EFHB: variants seen among roughly 807,000 people sequenced by gnomAD.
EFHB encodes the protein EF-hand domain family member B.
EFHB carries 91 observed loss-of-function variants against 87.2 expected under a neutral mutation model. The observed-to-expected ratio is 1.04, with a 90% CI of 0.88 to 1.24. The LOEUF (loss-of-function observed/expected upper bound fraction) is 1.24. Among genes scored for constraint, EFHB ranks in the 50% most tolerant of loss-of-function variants. The probability of loss-of-function intolerance (pLI) is 0.00; values close to 1 mark genes in which losing one functional copy is unlikely to be tolerated. For missense variants in EFHB, 1,084 were observed against 998.8 expected (o/e 1.09, Z -1.15); for synonymous variants, 325 against 333.6 (o/e 0.97, Z 0.28).
chr3:19,897,394 T>C (rs997308265), intron 8 of EFHB, among the ~76,000 whole-genome samples: 5 of 152,082 alleles, frequency 3.3e-5, no homozygotes, highest in African/African-American at 1.2e-4. Context: ...CCTTCACGGC[T>C]CCATTAACTA....
chr3:19,894,404 G>C (rs1694404172), intron 9 of EFHB: 1 of 152,118 alleles, frequency 6.6e-6, no homozygotes, highest in Admixed American at 6.5e-5. Context: ...TCCCTAAATG[G>C]AATGTCTACA....
At chr3:19,936,394 C>G (rs558881330), upstream of EFHB, 3 of 500,612 alleles carry the variant, frequency 6.0e-6, no homozygotes, top group South Asian at 9.2e-5. Flanking sequence ...TGAGACCTAT[C>G]CCTACAAAAA....
At chr3:19,915,464 A>G in intron 4 of EFHB, 51 bp from the exon 5 acceptor site, 1 of 1,225,724 alleles carries the variant, frequency 8.2e-7, no homozygotes, top group Non-Finnish European at 1.2e-6. Context: ...TAACCTATTT[A>G]TAATACGTTT....
chr3:19,879,742 C>A lies in EFHB; in HGVS notation c.2391G>T (p.Trp797Cys). 6.2e-7 allele frequency: 1 copy of A among 1,610,134 alleles called. No homozygotes were observed. Among genetic ancestry groups the A allele is most frequent in the Non-Finnish European group, 8.5e-7 (1 of 1,178,994 alleles). Residue 797 changes from tryptophan to cysteine, a missense_variant, in exon 13 of 13, where the codon TGG (tryptophan) becomes TGT (cysteine). Trp to Cys is a radical substitution (Grantham distance 215). Transcript: ENST00000295824. Reference sequence around the variant, plus strand: ...TGTGATGCTTTTTTGATGCAAGATTCCATACATTTTCAAATTCTTCATCAG... The same window carrying A: ...TGTGATGCTTTTTTGATGCAAGATTACATACATTTTCAAATTCTTCATCAG... ...KLSDEEFENV[W>C]NLASKKHHRG... is the part of the protein sequence containing the mutation.
In EFHB at chr3:19,933,628, C is replaced by A. The variant is rs1248509462; in HGVS notation, c.391G>T (p.Gly131Cys). Reference protein sequence around the residue: ...THERIIQPPLGRVCGSSQAAG... With the variant: ...THERIIQPPLCRVCGSSQAAG... ...GCCTGTGAACTTCCACACACCCTGC[C>A]CAAAGGAGGCTGTATTATCCGTTCA... Residue 131 changes from glycine to cysteine, a missense_variant, in exon 1 of 13, where the codon GGC (glycine) becomes TGC (cysteine). Gly to Cys is a radical substitution (Grantham distance 159, BLOSUM62 -3). Transcript: ENST00000295824. 11 of 1,613,984 alleles carry A rather than the reference C, an allele frequency of 6.8e-6. No individual in the cohort carries two copies. The highest frequency in any genetic ancestry group is 9.3e-6 in the Non-Finnish European group (11 of 1,179,892).
intron 1 of EFHB, among the ~76,000 whole-genome samples, chr3:19,939,427 C>T (rs1353484926): frequency 1.5e-5 from 2 of 132,108 alleles, no homozygotes; most frequent in African/African-American, 2.9e-5. Flanking sequence ...CTGTCGCGCC[C>T]AGGCTGGAGT....
At chr3:19,912,953 T>G (rs1199584949) in intron 5 of EFHB, among the ~76,000 whole-genome samples, 1 of 152,178 alleles carries the variant, frequency 6.6e-6, no homozygotes, top group Non-Finnish European at 1.5e-5. Context: ...CAATTTATGC[T>G]GAAAAAGCAT....
intron 5 of EFHB, among the ~76,000 whole-genome samples, chr3:19,908,675 T>C (rs1017139122): frequency 6.8e-6 from 1 of 147,568 alleles, no homozygotes; most frequent in South Asian, 2.2e-4. Context: ...CTGTGTGAGA[T>C]AGAGAATTGT....
intron 5 of EFHB, among the ~76,000 whole-genome samples, chr3:19,912,578 C>T (rs950289750): frequency 6.6e-6 from 1 of 151,970 alleles, no homozygotes; most frequent in African/African-American, 2.4e-5. Flanking sequence ...AGTATAACAC[C>T]GTAACTGTGG....
In EFHB at chr3:19,939,366, TCTC is replaced by T. The variant is rs1202400459; in HGVS notation, c.-31-3035_-31-3033del. On this transcript the variant is annotated intron_variant, in intron 1 of 14. Transcript: ENST00000344838. ...GTCTTGCCACTCAAACTGGGTTGGGTCTCCTTTTTTTTTTTTTTTTTTTTTTTT... is the reference window on the plus strand; with the variant it reads ...GTCTTGCCACTCAAACTGGGTTGGGTCTTTTTTTTTTTTTTTTTTTTTTTT... 3.0e-5 allele frequency among the ~76,000 whole-genome samples: 4 copies of T among 134,716 alleles called. 1 individual carries two copies. Among genetic ancestry groups the T allele is most frequent in the African/African-American group, 8.5e-5 (3 of 35,248 alleles). 88.4% of individuals were successfully genotyped at this position (134,716 alleles called of 152,430 possible). A position where few individuals can be genotyped will look rare whatever the true frequency, so the allele number is the denominator to read the frequency against.
chr3:19,934,828 A>G (rs1391177188), upstream of EFHB, among the ~76,000 whole-genome samples: 1 of 152,202 alleles, frequency 6.6e-6, no homozygotes, highest in Non-Finnish European at 1.5e-5. Context: ...GAAATATTAT[A>G]TTTGACAACT....
intron 3 of EFHB, among the ~76,000 whole-genome samples, chr3:19,918,746 G>A (rs1018614116): frequency 2.6e-5 from 4 of 151,640 alleles, no homozygotes; most frequent in Admixed American, 6.6e-5. Flanking sequence ...AGGCTGAGGC[G>A]GGCAGATCAC....
intron 8 of EFHB, among the ~76,000 whole-genome samples, chr3:19,897,746 C>A (rs533896121): frequency 2.6e-5 from 4 of 152,248 alleles, no homozygotes; most frequent in East Asian, 1.9e-4. Flanking sequence ...TCATCCCTTA[C>A]CCTCTTCAAA....
At chr3:19,901,663 T>C (rs768829547) in intron 6 of EFHB, among the ~76,000 whole-genome samples, 10 of 152,062 alleles carry the variant, frequency 6.6e-5, no homozygotes, top group Non-Finnish European at 1.0e-4. Flanking sequence ...AAAAATCAGC[T>C]CCAGGCCAGG....
At chr3:19,885,816 C>A (rs1179046694) in intron 10 of EFHB, among the ~76,000 whole-genome samples, 1 of 152,192 alleles carries the variant, frequency 6.6e-6, no homozygotes, top group Non-Finnish European at 1.5e-5. Flanking sequence ...GATCCTCTAA[C>A]CCTCCACCTC....
At chr3:19,933,192 C>T in intron 1 of EFHB, 38 bp downstream of exon 1, 2 of 1,573,774 alleles carry the variant, frequency 1.3e-6, no homozygotes, top group Non-Finnish European at 1.7e-6. Flanking sequence ...CATGGCTATA[C>T]ACAGTTTAGT....
At chr3:19,936,337 GAAA>G, upstream of EFHB, 1 of 447,830 alleles carries the variant, frequency 2.2e-6, no homozygotes, top group South Asian at 3.6e-5. Flanking sequence ...GCGACAGACT[GAAA>G]AAAAAAAAAG....
intron 1 of EFHB, among the ~76,000 whole-genome samples, chr3:19,942,630 TCA>T (rs1310106787): frequency 6.6e-6 from 1 of 152,202 alleles, no homozygotes; most frequent in Non-Finnish European, 1.5e-5. Context: ...TAATGTACAA[TCA>T]GTAGGAGCCC....
At chr3:19,897,540 G>T (rs1694532385) in intron 8 of EFHB, among the ~76,000 whole-genome samples, 1 of 152,038 alleles carries the variant, frequency 6.6e-6, no homozygotes, top group Non-Finnish European at 1.5e-5. Flanking sequence ...TTTCTGCCAG[G>T]ACTCTCAGCT....
Sources: gnomAD v4.1 joint callset for allele counts (sites outside exome capture counted in the v4.1 genomes callset) on GRCh38, gnomAD v4.1.1 for gene constraint, MANE v1.5 for transcripts, NCBI Gene and HGNC (gene_info 2026-07-23, HGNC 2026-07-21) for gene names.